The following ST6GAL1 variants were observed in gnomAD, a reference collection of about 807,000 sequenced individuals.
ST6GAL1 encodes beta-galactoside alpha-2,6-sialyltransferase 1.
Under a neutral mutation model 38.0 loss-of-function variants are expected in ST6GAL1, and 20 were observed. The ratio of observed to expected loss-of-function variants is 0.53; its 90% CI spans 0.37 to 0.77. The LOEUF (loss-of-function observed/expected upper bound fraction) is 0.77. Among genes scored for constraint, ST6GAL1 ranks in the 30% least tolerant of loss-of-function variants. The probability of loss-of-function intolerance (pLI) is 0.00; values close to 1 mark genes in which losing one functional copy is unlikely to be tolerated. For missense variants in ST6GAL1, 432 were observed against 496.4 expected (o/e 0.87, Z 1.23); for synonymous variants, 196 against 188.2 (o/e 1.04, Z -0.34).
intron 1 of ST6GAL1, chr3:186,949,082 A>AT (rs1473204183): frequency 6.6e-6 from 1 of 152,112 alleles, no homozygotes; most frequent in Non-Finnish European, 1.5e-5. Flanking sequence ...CCAGAGAGTC[A>AT]TTTTTCCTAC....
rs76531554 is a variant in ST6GAL1, at chr3:186,962,081, C to T, written c.-324-1704C>T. Among the ~76,000 whole-genome samples, 597 of 152,332 alleles carry T rather than the reference C, an allele frequency of 3.9e-3. 3 individuals carry two copies. The highest frequency in any genetic ancestry group is 5.7e-3 in the Non-Finnish European group (387 of 68,026). On this transcript the variant is annotated intron_variant, in intron 1 of 7. Transcript: ENST00000169298. ...GCAAAGTGCCCGAAGCCTCAAGCAACTTGTTCTTTTTCCGTCTCACCAGAT... is the reference window on the plus strand; with the variant it reads ...GCAAAGTGCCCGAAGCCTCAAGCAATTTGTTCTTTTTCCGTCTCACCAGAT...
chr3:186,973,439 C>G (rs990276537), intron 2 of ST6GAL1, among the ~76,000 whole-genome samples: 2 of 152,170 alleles, frequency 1.3e-5, no homozygotes, highest in African/African-American at 4.8e-5. Flanking sequence ...TGGAGGATAG[C>G]ACATGATTGC....
intron 5 of ST6GAL1, among the ~76,000 whole-genome samples, chr3:187,060,575 A>ACAT (rs1269247832): frequency 6.6e-6 from 1 of 152,230 alleles, no homozygotes; most frequent in African/African-American, 2.4e-5. Context: ...AAGGTCTTAC[A>ACAT]AGTAGTCTGG....
chr3:186,973,202 A>T (rs1366796379), intron 2 of ST6GAL1, among the ~76,000 whole-genome samples: 1 of 151,942 alleles, frequency 6.6e-6, no homozygotes, highest in Non-Finnish European at 1.5e-5. Context: ...TGCCCAGCTA[A>T]TTTTTATATT....
chr3:187,045,183 G>A (rs985180449), intron 4 of ST6GAL1, among the ~76,000 whole-genome samples: 3 of 152,136 alleles, frequency 2.0e-5, no homozygotes, highest in African/African-American at 4.8e-5. Context: ...AAATAACATT[G>A]CTGACAAGGT....
chr3:186,974,313 G>A (rs1187055723), intron 2 of ST6GAL1, among the ~76,000 whole-genome samples: 1 of 152,144 alleles, frequency 6.6e-6, no homozygotes, highest in Non-Finnish European at 1.5e-5. Context: ...TGCAGGAACC[G>A]ACTGAGCTTG....
At chr3:187,026,654 T>TGAACTGTTTCTCCAAAGC (rs1201882781) in intron 2 of ST6GAL1, among the ~76,000 whole-genome samples, 1 of 152,110 alleles carries the variant, frequency 6.6e-6, no homozygotes, top group Non-Finnish European at 1.5e-5. Flanking sequence ...AGAGCCTGAG[T>TGAACTGTTTCTCCAAAGC]GAACTGTTTC....
At chr3:186,953,901 T>C (rs1714661844) in intron 1 of ST6GAL1, among the ~76,000 whole-genome samples, 1 of 151,630 alleles carries the variant, frequency 6.6e-6, no homozygotes, top group African/African-American at 2.4e-5. Flanking sequence ...ACATGTGCCA[T>C]GGTGGTTTGC....
chr3:186,934,096 C>T (rs1713854147), intron 1 of ST6GAL1, among the ~76,000 whole-genome samples: 1 of 152,238 alleles, frequency 6.6e-6, no homozygotes, highest in Admixed American at 6.5e-5. Context: ...GTTCATGCTA[C>T]TTAACCTCTT....
chr3:186,987,244 A>C (rs1268781708), intron 2 of ST6GAL1, among the ~76,000 whole-genome samples: 1 of 150,484 alleles, frequency 6.6e-6, no homozygotes, highest in Non-Finnish European at 1.5e-5. Flanking sequence ...GGAAGAAAGG[A>C]AAGAAAGGAA....
rs542519737 is a variant in ST6GAL1, at chr3:186,985,681, G to A, written c.-183+21755G>A. ...TCCCAGCTACTCAGGAAGCTGAGGA[G>A]GGACGATTGCTTGAGCCTCAGAGGT... On this transcript the variant is annotated intron_variant, in intron 2 of 7. Coordinates refer to ENST00000169298, the MANE Select transcript of ST6GAL1 (RefSeq NM_173216.2). 1.4e-4 allele frequency among the ~76,000 whole-genome samples: 21 copies of A among 152,050 alleles called. No individual in the cohort carries two copies. In the South Asian group the frequency reaches 4.4e-3, roughly 32 times the overall value.
At chr3:187,001,034 G>A (rs1040896061) in intron 2 of ST6GAL1, among the ~76,000 whole-genome samples, 13 of 152,180 alleles carry the variant, frequency 8.5e-5, no homozygotes, top group Admixed American at 7.2e-4. Context: ...TGCCTTCCTC[G>A]GGAGAAGGTG....
intron 1 of ST6GAL1, among the ~76,000 whole-genome samples, chr3:186,955,596 G>A (rs774066272): frequency 1.3e-5 from 2 of 151,870 alleles, no homozygotes; most frequent in Non-Finnish European, 2.9e-5. Flanking sequence ...TCCACCTCCC[G>A]GGTTCAAGCG....
chr3:186,932,519 A>G (rs1713795095), intron 1 of ST6GAL1, among the ~76,000 whole-genome samples: 2 of 152,234 alleles, frequency 1.3e-5, no homozygotes, highest in Non-Finnish European at 2.9e-5. Context: ...ACTCTCCTTC[A>G]AGCCTTTCAA....
intron 3 of ST6GAL1, among the ~76,000 whole-genome samples, chr3:187,042,378 A>G (rs1004630941): frequency 6.6e-6 from 1 of 152,194 alleles, no homozygotes; most frequent in Non-Finnish European, 1.5e-5. Flanking sequence ...AGAAAAAGTA[A>G]TGATGGGAGG....
rs150984511 is a variant in ST6GAL1, at chr3:186,959,443, C to T, written c.-324-4342C>T. On this transcript the variant is annotated intron_variant, in intron 1 of 7. Transcript: ENST00000169298. ...ATCTGAAAATGGAGAAGACACTCCT[C>T]GCTTCATAGGCTTGTGTGAAGAATA... Among the ~76,000 whole-genome samples the T allele has an allele frequency of 8.1e-4, 123 of 152,264 alleles. 1 individual carries two copies. Among genetic ancestry groups the T allele is most frequent in the African/African-American group, 2.8e-3 (117 of 41,538 alleles).
In ST6GAL1 at chr3:186,992,484, A is replaced by AAAAT. The variant is rs1241586658; in HGVS notation, c.-183+28578_-183+28581dup. On this transcript the variant is annotated intron_variant, in intron 2 of 7. Coordinates refer to ENST00000169298, the MANE Select transcript of ST6GAL1 (RefSeq NM_173216.2). ...TGGACTAATACAATCATGACCTTAA[A>AAAAT]AAATAAATAAATAAATAAATAAAAC... 1.9e-3 allele frequency among the ~76,000 whole-genome samples: 292 copies of AAAAT among 152,176 alleles called. 1 individual carries two copies. The highest frequency in any genetic ancestry group is 5.8e-3 in the African/African-American group (240 of 41,534).
At chr3:187,020,492 T>C (rs1717260437) in intron 2 of ST6GAL1, among the ~76,000 whole-genome samples, 1 of 152,202 alleles carries the variant, frequency 6.6e-6, no homozygotes, top group Admixed American at 6.5e-5. Context: ...TTACAGTTGA[T>C]TCTTAAGGCA....
chr3:187,003,769 A>G (rs1361555201), intron 2 of ST6GAL1, among the ~76,000 whole-genome samples: 2 of 152,268 alleles, frequency 1.3e-5, no homozygotes, highest in Non-Finnish European at 2.9e-5. Flanking sequence ...AGGAACTACC[A>G]TTCTGGACAT....
Sources: gnomAD v4.1 joint callset for allele counts (sites outside exome capture counted in the v4.1 genomes callset) on GRCh38, gnomAD v4.1.1 for gene constraint, MANE v1.5 for transcripts, NCBI Gene and HGNC (gene_info 2026-07-23, HGNC 2026-07-21) for gene names.